RHBDD1: variants seen among roughly 807,000 people sequenced by gnomAD.
RHBDD1 encodes the protein rhomboid domain containing 1, also known as rhomboid-related protein 4.
Under a neutral mutation model 36.3 loss-of-function variants are expected in RHBDD1, and 38 were observed. The ratio of observed to expected loss-of-function variants is 1.05; its 90% CI spans 0.81 to 1.37. The LOEUF is 1.37. Among genes scored for constraint, RHBDD1 ranks in the 40% most tolerant of loss-of-function variants. The pLI, the probability that RHBDD1 is intolerant of heterozygous loss-of-function variation, is 0.00. For synonymous variants in RHBDD1, 151 were observed against 136.5 expected (o/e 1.11, Z -0.74); for missense variants, 393 against 377.6 (o/e 1.04, Z -0.34).
rs148144695 is a variant in RHBDD1 at position 226,994,838 on chromosome 2, G to A, written c.857-593G>A. ...TCCCTAAGAAACTCTTTTCAGTAAC[G>A]ATTTCCACAGTCCTTCATATGATCT... On this transcript the variant is annotated intron_variant, in intron 8 of 8. Coordinates refer to ENST00000392062, the MANE Select transcript of RHBDD1 (RefSeq NM_001167608.3). Among the ~76,000 whole-genome samples, 210 of 152,240 alleles carry A rather than the reference G, an allele frequency of 1.4e-3. 1 individual carries two copies. The highest frequency in any genetic ancestry group is 1.7e-3 in the Non-Finnish European group (119 of 68,008).
At chr2:226,928,521 TTATA>T (rs1483196514) in intron 8 of RHBDD1, among the ~76,000 whole-genome samples, 1 of 152,022 alleles carries the variant, frequency 6.6e-6, no homozygotes, top group African/African-American at 2.4e-5. Flanking sequence ...AGAGGAAACT[TTATA>T]GGGCTAAATG....
chr2:226,814,768 C>G, the RHBDD1 span, among the ~76,000 whole-genome samples: 928 of 152,328 alleles, frequency 6.1e-3, 6 homozygotes, highest in African/African-American at 0.021. Context: ...AGTGAGACAT[C>G]TAATCACTCT....
At chr2:226,900,116 C>T (rs962407284) in intron 5 of RHBDD1, among the ~76,000 whole-genome samples, 1 of 152,180 alleles carries the variant, frequency 6.6e-6, no homozygotes, top group African/African-American at 2.4e-5. Flanking sequence ...CCTAAAATTA[C>T]AGGTAACGCA....
intron 8 of RHBDD1, among the ~76,000 whole-genome samples, chr2:226,966,300 G>C (rs758437163): frequency 7.2e-5 from 11 of 152,132 alleles, no homozygotes; most frequent in Admixed American, 2.0e-4. Flanking sequence ...TTCACCGTAA[G>C]GCTCATCCTT....
chr2:226,845,951 A>G (rs554669703), intron 3 of RHBDD1, among the ~76,000 whole-genome samples: 66 of 152,342 alleles, frequency 4.3e-4, no homozygotes, highest in African/African-American at 1.5e-3. Flanking sequence ...GACAGTTAGT[A>G]GTTTGACCTT....
intron 8 of RHBDD1, chr2:226,988,199 C>T (rs1957419763): frequency 2.6e-6 from 2 of 767,040 alleles, no homozygotes; most frequent in African/African-American, 1.8e-5. Flanking sequence ...GTAATTAAAA[C>T]TTACCCAAAG....
chr2:226,984,756 G>A (rs1241877427), intron 8 of RHBDD1, among the ~76,000 whole-genome samples: 1 of 152,130 alleles, frequency 6.6e-6, no homozygotes, highest in Non-Finnish European at 1.5e-5. Context: ...ATAAGCCCTG[G>A]TCTTGTACAT....
rs756643447 is a variant in RHBDD1 at position 226,864,753 on chromosome 2, C to T, written c.60C>T (p.Phe20=). The T allele has an allele frequency of 1.2e-6, 2 of 1,614,196 alleles. No homozygotes were observed. Among genetic ancestry groups the T allele is most frequent in the Admixed American group, 1.7e-5 (1 of 60,020 alleles). ...TTATTCTACTCCTTTCTCAAATCTTCCATGTTGGGATCAACAATATTCCAC... is the reference window on the plus strand; with the variant it reads ...TTATTCTACTCCTTTCTCAAATCTTTCATGTTGGGATCAACAATATTCCAC... ...TGLILLLSQI[F]HVGINNIPPV... The change falls in exon 4 of 9, where the codon TTC becomes TTT. Residue 20 remains phenylalanine, a synonymous_variant. Coordinates refer to ENST00000392062, the MANE Select transcript of RHBDD1 (RefSeq NM_001167608.3).
At chr2:226,867,692 T>G in intron 5 of RHBDD1, 2 of 961,352 alleles carry the variant, frequency 2.1e-6, no homozygotes, top group Non-Finnish European at 2.5e-6. Context: ...CTATAAGGTA[T>G]GTTGATCTAA....
At chr2:226,828,616 A>C in the RHBDD1 span, among the ~76,000 whole-genome samples, 1 of 152,188 alleles carries the variant, frequency 6.6e-6, no homozygotes, top group African/African-American at 2.4e-5. Context: ...GGGAATGTGC[A>C]GTCGTTTCTC....
Position 226,968,255 on chromosome 2 carries a change from G to A in RHBDD1, c.857-27176G>A, listed in dbSNP as rs543818789. Among the ~76,000 whole-genome samples the A allele has an allele frequency of 2.6e-5, 4 of 152,286 alleles. No homozygotes were observed. In the East Asian group the frequency reaches 7.7e-4, roughly 29 times the overall value. On this transcript the variant is annotated intron_variant, in intron 8 of 8. Transcript: ENST00000392062. ...AAGGTTCAACCAGGAGACAAAACCA[G>A]TGGAGACATATATTAAGAGCTATTA...
chr2:226,961,421 TA>T (rs1952190257), intron 8 of RHBDD1, among the ~76,000 whole-genome samples: 1 of 152,226 alleles, frequency 6.6e-6, no homozygotes, highest in South Asian at 2.1e-4. Context: ...TCGTTCTTTT[TA>T]CTTCTATTTC....
At position 226,919,496 on chromosome 2, in the gene RHBDD1, G is replaced by C. The variant is rs376727781; in HGVS notation, c.856+5145G>C. Among the ~76,000 whole-genome samples the C allele has an allele frequency of 1.3e-4, 20 of 152,148 alleles. No individual in the cohort carries two copies. The South Asian group carries it at 1.7e-3, about 13-fold the overall frequency. On this transcript the variant is annotated intron_variant, in intron 8 of 8. Coordinates refer to ENST00000392062, the MANE Select transcript of RHBDD1 (RefSeq NM_001167608.3). ...TTTAATCCATTTCAAATTGATTTTT[G>C]TATATGGTGAGAGATAGGGGTCTAG...
intron 5 of RHBDD1, among the ~76,000 whole-genome samples, chr2:226,904,414 C>CGGGGGGGGGGGG (rs1294372074): frequency 4.3e-5 from 2 of 46,586 alleles, no homozygotes; most frequent in African/African-American, 1.9e-4. Context: ...ATCCTGCAAG[C>CGGGGGGGGGGGG]GGGGGGGGAG....
intron 8 of RHBDD1, chr2:226,942,704 T>G (rs1334914831): frequency 6.4e-6 from 1 of 155,632 alleles, no homozygotes; most frequent in Non-Finnish European, 1.4e-5. Context: ...AAGTTTTTTT[T>G]GTTTGTTTGG....
intron 7 of RHBDD1, among the ~76,000 whole-genome samples, chr2:226,912,044 C>T (rs748367539): frequency 6.6e-6 from 1 of 152,090 alleles, no homozygotes; most frequent in Non-Finnish European, 1.5e-5. Context: ...TTCACAATCA[C>T]TGAGAATGGA....
chr2:226,957,487 C>T (rs1951858073), intron 8 of RHBDD1, among the ~76,000 whole-genome samples: 2 of 151,700 alleles, frequency 1.3e-5, no homozygotes, highest in Admixed American at 1.3e-4. Flanking sequence ...CTTTGGGAGG[C>T]TAAGACATGA....
intron 5 of RHBDD1, among the ~76,000 whole-genome samples, chr2:226,867,997 A>T (rs1944480963): frequency 6.6e-6 from 1 of 152,168 alleles, no homozygotes; most frequent in Admixed American, 6.5e-5. Flanking sequence ...GATTACAGGC[A>T]TGAGCCACCG....
chr2:226,925,533 C>A (rs1949610628), intron 8 of RHBDD1, among the ~76,000 whole-genome samples: 1 of 152,110 alleles, frequency 6.6e-6, no homozygotes, highest in Non-Finnish European at 1.5e-5. Context: ...CCAACTCAAA[C>A]CAAATATTTT....
Sources: gnomAD v4.1 joint callset for allele counts (sites outside exome capture counted in the v4.1 genomes callset) on GRCh38, gnomAD v4.1.1 for gene constraint, MANE v1.5 for transcripts, NCBI Gene and HGNC (gene_info 2026-07-23, HGNC 2026-07-21) for gene names.